Variants in L3MBTL1 observed in about 807,000 individuals in gnomAD.
L3MBTL1 encodes the protein L3MBTL histone methyl-lysine binding protein 1.
In L3MBTL1, 75 loss-of-function variants were observed where a neutral mutation model predicts 105.3. That is an observed-to-expected ratio of 0.71 (90% CI 0.59 to 0.86). L3MBTL1 has a LOEUF of 0.86. Ranked by LOEUF, L3MBTL1 falls within the 40% of genes least tolerant of loss-of-function variation. The pLI is 0.00. For synonymous variants in L3MBTL1, 452 were observed against 436.2 expected, an observed-to-expected ratio of 1.04 and a Z score of -0.45; for missense variants, 1,069 against 1,126.4, an observed-to-expected ratio of 0.95 and a Z score of 0.73.
At chr20:43,517,220 T>C (rs1048117783) in intron 7 of L3MBTL1, among the ~76,000 whole-genome samples, 1 of 152,038 alleles carries the variant, frequency 6.6e-6, no homozygotes, top group Admixed American at 6.6e-5. Context: ...TGCCTCAGTC[T>C]CCTGAGTAGC....
Position 43,513,919 on chromosome 20 carries a change from C to T in L3MBTL1, c.218C>T (p.Pro73Leu), listed in dbSNP as rs968128994. ...FPREPIHVGA[P>L]EQVAGCEPVS... ...CGGGAGCCAATCCATGTGGGTGCCC[C>T]GGAGCAAGTGGCCGGCTGCGAACCA... The change falls in exon 3 of 22, where the codon CCG (proline) becomes CTG (leucine). Residue 73 changes from proline (P) to leucine (L), a missense_variant. Pro to Leu is a moderately conservative substitution (Grantham distance 98). Transcript: ENST00000418998. The T allele has an allele frequency of 2.4e-5, 37 of 1,550,374 alleles. No homozygotes were observed. In the African/African-American group the frequency reaches 4.5e-4, roughly 19 times the overall value.
intron 1 of L3MBTL1, among the ~76,000 whole-genome samples, chr20:43,511,608 C>T (rs2018137482): frequency 6.6e-6 from 1 of 151,754 alleles, no homozygotes; most frequent in African/African-American, 2.4e-5. Flanking sequence ...TGGTGAAACC[C>T]CGTCTCTACT....
intron 7 of L3MBTL1, among the ~76,000 whole-genome samples, chr20:43,528,150 C>T (rs1211123102): frequency 6.6e-6 from 1 of 152,224 alleles, no homozygotes; most frequent in African/African-American, 2.4e-5. Context: ...GCCTCGGCCT[C>T]CCAAAGTGCT....
chr20:43,510,813 G>A (rs893165201), intron 1 of L3MBTL1, among the ~76,000 whole-genome samples: 1 of 151,808 alleles, frequency 6.6e-6, no homozygotes, highest in African/African-American at 2.4e-5. Flanking sequence ...GACCTCCCGG[G>A]CTCAAGCAAT....
intron 13 of L3MBTL1, 40 bp from the exon 14 acceptor site, chr20:43,533,968 C>A: frequency 1.4e-6 from 2 of 1,468,912 alleles, no homozygotes; most frequent in Non-Finnish European, 1.9e-6. Flanking sequence ...TTCCGCAGTA[C>A]ACCTGGGTGG....
At chr20:43,539,600 G>A (rs984013246) in intron 19 of L3MBTL1, 2 of 212,250 alleles carry the variant, frequency 9.4e-6, no homozygotes, top group South Asian at 7.9e-5. Context: ...CCGGGCTGGT[G>A]GAGGAAGGGG....
At chr20:43,533,204 T>C in intron 12 of L3MBTL1, 138 bp from the exon 13 acceptor site, 1 of 764,766 alleles carries the variant, frequency 1.3e-6, no homozygotes, top group Non-Finnish European at 2.1e-6. Context: ...ATGTTGCAAT[T>C]TTCTAACTTT....
intron 7 of L3MBTL1, among the ~76,000 whole-genome samples, chr20:43,522,923 C>T (rs1266544434): frequency 1.3e-5 from 2 of 149,980 alleles, no homozygotes; most frequent in Admixed American, 6.7e-5. Flanking sequence ...GTTAACATGG[C>T]GAACCCCGTC....
chr20:43,522,337 A>G (rs1285070983), intron 7 of L3MBTL1, among the ~76,000 whole-genome samples: 1 of 152,140 alleles, frequency 6.6e-6, no homozygotes, highest in Non-Finnish European at 1.5e-5. Context: ...TCTGGGCGAC[A>G]GAGCAAAACT....
intron 7 of L3MBTL1, among the ~76,000 whole-genome samples, chr20:43,525,655 G>C (rs2018993380): frequency 6.6e-6 from 1 of 152,208 alleles, no homozygotes; most frequent in Non-Finnish European, 1.5e-5. Flanking sequence ...AACTGAATTT[G>C]GCTGGGGGTG....
At chr20:43,518,440 CAT>C (rs887833742) in intron 7 of L3MBTL1, among the ~76,000 whole-genome samples, 16 of 152,162 alleles carry the variant, frequency 1.1e-4, no homozygotes, top group African/African-American at 3.9e-4. Flanking sequence ...ACATGTGACT[CAT>C]GTGCCCATTC....
chr20:43,542,612 A>C (rs1450321571), downstream of L3MBTL1, among the ~76,000 whole-genome samples: 1 of 9,058 alleles, frequency 1.1e-4, no homozygotes, highest in East Asian at 0.015. Context: ...AAAATTTAAC[A>C]AAAAAAAAAA....
chr20:43,536,006 C>T (rs535222216), intron 17 of L3MBTL1, 70 bp downstream of exon 17: 306 of 1,586,032 alleles, frequency 1.9e-4, no homozygotes, highest in Non-Finnish European at 2.6e-4. Context: ...CGACTGGGGT[C>T]CACCAAAACA....
intron 7 of L3MBTL1, among the ~76,000 whole-genome samples, chr20:43,524,015 CAG>C (rs915472780): frequency 6.9e-6 from 1 of 145,428 alleles, no homozygotes; most frequent in African/African-American, 2.6e-5. Flanking sequence ...AAAAAAGAAA[CAG>C]GATGTCACTA....
intron 1 of L3MBTL1, among the ~76,000 whole-genome samples, chr20:43,511,135 C>T (rs1568916229): frequency 6.6e-6 from 1 of 152,066 alleles, no homozygotes; most frequent in Non-Finnish European, 1.5e-5. Context: ...AACCTCTACC[C>T]TCCACCTCCC....
downstream of L3MBTL1, among the ~76,000 whole-genome samples, chr20:43,544,921 G>T (rs181820088): frequency 2.0e-5 from 3 of 151,828 alleles, no homozygotes; most frequent in South Asian, 2.1e-4. Context: ...AGCTGAGATC[G>T]TGCCACTGCA....
intron 1 of L3MBTL1, among the ~76,000 whole-genome samples, chr20:43,510,522 A>G (rs1313544785): frequency 1.3e-5 from 2 of 148,934 alleles, no homozygotes; most frequent in African/African-American, 2.5e-5. Flanking sequence ...CTCCTGCCTC[A>G]GCCTCCCAAA....
intron 19 of L3MBTL1, 30 bp downstream of exon 19, chr20:43,536,488 T>G (rs375839467): frequency 6.5e-5 from 104 of 1,611,240 alleles, no homozygotes; most frequent in Admixed American, 3.2e-4. Context: ...TCCTATGTCC[T>G]CCACCACAGA....
chr20:43,547,374 G>C (rs1978686166), intron 18 of L3MBTL1, among the ~76,000 whole-genome samples: 1 of 152,154 alleles, frequency 6.6e-6, no homozygotes, highest in Admixed American at 6.6e-5. Flanking sequence ...AAAGTGCTGG[G>C]ATTACAGGCG....
Sources: gnomAD v4.1 joint callset for allele counts (sites outside exome capture counted in the v4.1 genomes callset) on GRCh38, gnomAD v4.1.1 for gene constraint, MANE v1.5 for transcripts, NCBI Gene and HGNC (gene_info 2026-07-23, HGNC 2026-07-21) for gene names.